The following USP15 variants were observed in gnomAD, a reference collection of about 807,000 sequenced individuals.
USP15 encodes the protein ubiquitin carboxyl-terminal hydrolase 15.
In USP15, 18 loss-of-function variants were observed where a neutral mutation model predicts 127.1. The observed-to-expected ratio is 0.14, with a 90% confidence interval of 0.10 to 0.21. The LOEUF (loss-of-function observed/expected upper bound fraction) is 0.21, where lower values mean the gene tolerates loss of function less well. USP15 is among the 10% of genes least tolerant of loss of function. The probability of loss-of-function intolerance (pLI) is 1.00; values close to 1 mark genes in which losing one functional copy is unlikely to be tolerated. For synonymous variants in USP15, 364 were observed against 393.7 expected (o/e 0.92, Z 0.89); for missense variants, 805 against 1,159.9 (o/e 0.69, Z 4.44).
At chr12:62,261,079 G>A (rs2063040621) in intron 1 of USP15, among the ~76,000 whole-genome samples, 1 of 152,136 alleles carries the variant, frequency 6.6e-6, no homozygotes, top group Non-Finnish European at 1.5e-5. Context: ...TCAAAGGAGG[G>A]AGAGGAGTAG....
At chr12:62,398,369 A>G (rs746694904) in intron 20 of USP15, among the ~76,000 whole-genome samples, 6 of 151,952 alleles carry the variant, frequency 3.9e-5, no homozygotes, top group African/African-American at 1.2e-4. Context: ...TTGGGTTTCT[A>G]TGTTACTCTT....
chr12:62,327,775 A>C (rs941722831), intron 6 of USP15: 2 of 359,022 alleles, frequency 5.6e-6, no homozygotes, highest in Non-Finnish European at 1.1e-5. Context: ...ATATTGGTGA[A>C]TACAGGTGCT....
intron 8 of USP15, among the ~76,000 whole-genome samples, chr12:62,380,725 A>G (rs1482145385): frequency 6.6e-6 from 1 of 152,070 alleles, no homozygotes; most frequent in African/African-American, 2.4e-5. Context: ...ATTGAGGTCA[A>G]ATTATATGGA....
rs75501038 is a variant in USP15, at chr12:62,402,988, T to C, written c.2764-1205T>C. Among the ~76,000 whole-genome samples, 1,163 of 152,088 alleles carry C rather than the reference T, an allele frequency of 7.6e-3. 13 individuals are homozygous for C. Among genetic ancestry groups the C allele is most frequent in the African/African-American group, 0.026 (1,092 of 41,530 alleles). ...AATTAATATAACTTGATAAAAGATA[T>C]AATAAGGATAATAGATGTAGAGATC... is the stretch of plus-strand genomic sequence containing the variant. On this transcript the variant is annotated intron_variant, in intron 21 of 21. Coordinates refer to ENST00000280377, the MANE Select transcript of USP15 (RefSeq NM_001252078.2).
At chr12:62,294,436 T>A (rs1457170468) in intron 2 of USP15, 130 bp downstream of exon 2, 1 of 971,280 alleles carries the variant, frequency 1.0e-6, no homozygotes, top group African/African-American at 1.7e-5. Context: ...TTTTACCTAA[T>A]GAACTCATTA....
At chr12:62,335,277 T>C in intron 6 of USP15, 1 of 1,507,140 alleles carries the variant, frequency 6.6e-7, no homozygotes. Flanking sequence ...AACCCCTAAA[T>C]AACCTGATAT....
intron 6 of USP15, among the ~76,000 whole-genome samples, chr12:62,338,508 T>A (rs2065547897): frequency 6.6e-6 from 1 of 152,218 alleles, no homozygotes; most frequent in South Asian, 2.1e-4. Context: ...ATTTTGGCTT[T>A]TGTTGTGATT....
At chr12:62,404,089 G>T in intron 21 of USP15, 104 bp from the exon 22 acceptor site, 1 of 1,318,728 alleles carries the variant, frequency 7.6e-7, no homozygotes, top group South Asian at 2.5e-5. Flanking sequence ...TTTTCTATTT[G>T]ATTTATGCCC....
At position 62,391,062 on chromosome 12, in the gene USP15, A is replaced by G. The variant is rs2137617874; in HGVS notation, c.1960+83A>G. On this transcript the variant is annotated intron_variant, in intron 15 of 21. Transcript: ENST00000280377. ...AAAGTTAAGAAAATGGGAATTAAAG[A>G]ACTAAAAAATACCTGGAAACCTAGG... 5.3e-6 allele frequency: 8 copies of G among 1,512,458 alleles called. No homozygotes were observed. In the African/African-American group the frequency reaches 5.7e-5, roughly 11 times the overall value. The allele number at this position is 1,512,458 out of a possible 1,614,324, so 93.7% of individuals were successfully genotyped here. A position where few individuals can be genotyped will look rare whatever the true frequency, so the allele number is the denominator to read the frequency against.
Position 62,314,770 on chromosome 12 carries a change from G to T in USP15, c.349-20G>T. 6.5e-7 allele frequency: 1 copy of T among 1,530,962 alleles called. No homozygotes were observed. Among genetic ancestry groups the T allele is most frequent in the Non-Finnish European group, 8.8e-7 (1 of 1,137,620 alleles). 94.8% of individuals were successfully genotyped at this position (1,530,962 alleles called of 1,614,324 possible). On this transcript the variant is annotated intron_variant, in intron 3 of 21. Transcript: ENST00000280377. ...ATATTGATATAGGTGACACTGATTTGTTTTGTTTCATTATTTTAGGTGGTT... is the reference window on the plus strand; with the variant it reads ...ATATTGATATAGGTGACACTGATTTTTTTTGTTTCATTATTTTAGGTGGTT...
chr12:62,267,413 G>A (rs1319208137), intron 1 of USP15, among the ~76,000 whole-genome samples: 5 of 152,100 alleles, frequency 3.3e-5, no homozygotes, highest in Non-Finnish European at 2.9e-5. Flanking sequence ...AAGGAAATAA[G>A]TTCCAATTAT....
chr12:62,283,942 C>CA (rs2063723546), intron 1 of USP15, among the ~76,000 whole-genome samples: 1 of 151,976 alleles, frequency 6.6e-6, no homozygotes. Context: ...ACCCTATCTC[C>CA]AAAAAACAAA....
chr12:62,404,283 T>C lies in USP15; in HGVS notation c.2854T>C (p.Ser952Pro). The part of the protein sequence containing the change: ...FPLDRETKGA[S>P]AATGIPLESD... ...TCTTGACCGAGAAACTAAAGGTGCT[T>C]CAGCTGCCACTGGCATCCCATTAGA... The change falls in exon 22 of 22, where the codon TCA (serine) becomes CCA (proline). Residue 952 changes from serine (S) to proline (P), a missense_variant. This residue lies in a region of USP15 where 116 missense variants were observed against 157.2 expected (regional missense o/e 0.74). Transcript: ENST00000280377. 6.2e-7 allele frequency: 1 copy of C among 1,613,146 alleles called. No homozygotes were observed.
intron 3 of USP15, among the ~76,000 whole-genome samples, chr12:62,309,539 G>A (rs2064593934): frequency 6.6e-6 from 1 of 151,994 alleles, no homozygotes; most frequent in Non-Finnish European, 1.5e-5. Flanking sequence ...AATAGAAGCA[G>A]TACTCCCCAA....
intron 6 of USP15, among the ~76,000 whole-genome samples, chr12:62,345,076 G>C (rs1016828409): frequency 6.6e-6 from 1 of 152,098 alleles, no homozygotes; most frequent in Non-Finnish European, 1.5e-5. Context: ...TACTTTTGCC[G>C]GCTTGAATTT....
chr12:62,313,993 A>C (rs758779777), intron 3 of USP15: 6 of 888,216 alleles, frequency 6.8e-6, no homozygotes, highest in Non-Finnish European at 8.1e-6. Flanking sequence ...TATTTTCAGA[A>C]ACAGTATTCA....
At chr12:62,395,262 T>TG (rs1477478973) in intron 19 of USP15, among the ~76,000 whole-genome samples, 2 of 152,234 alleles carry the variant, frequency 1.3e-5, no homozygotes, top group Non-Finnish European at 2.9e-5. Flanking sequence ...TGGACCCAGA[T>TG]GGTCAATAGT....
chr12:62,348,695 A>G (rs2065887465), intron 6 of USP15, among the ~76,000 whole-genome samples: 1 of 152,200 alleles, frequency 6.6e-6, no homozygotes, highest in South Asian at 2.1e-4. Context: ...TATGTATACT[A>G]TAGTCAGATT....
chr12:62,336,089 A>C (rs1335995940), intron 6 of USP15: 1 of 985,272 alleles, frequency 1.0e-6, no homozygotes, highest in African/African-American at 1.7e-5. Context: ...CAGCAGCTCT[A>C]CTCAGACCTT....
Sources: gnomAD v4.1 joint callset for allele counts (sites outside exome capture counted in the v4.1 genomes callset) on GRCh38, gnomAD v4.1.1 for gene constraint, gnomAD v4.1.1 regional missense constraint, MANE v1.5 for transcripts, NCBI Gene and HGNC (gene_info 2026-07-23, HGNC 2026-07-21) for gene names.